PDE4D: variants seen among roughly 807,000 people sequenced by gnomAD.
The protein encoded by PDE4D is 3',5'-cyclic-AMP phosphodiesterase 4D.
Under a neutral mutation model 87.4 loss-of-function variants are expected in PDE4D, and 24 were observed. The ratio of observed to expected loss-of-function variants is 0.27; its 90% CI spans 0.20 to 0.39. The LOEUF (loss-of-function observed/expected upper bound fraction) is 0.39, where lower values mean the gene tolerates loss of function less well. PDE4D is among the 10% of genes least tolerant of loss of function. The pLI is 1.00. For missense variants in PDE4D, 714 were observed against 1,041.0 expected (o/e 0.69, Z 4.32); for synonymous variants, 384 against 383.2 (o/e 1.00, Z -0.02).
At chr5:59,602,897 ACTT>A (rs762848525) in intron 1 of PDE4D, among the ~76,000 whole-genome samples, 84 of 152,054 alleles carry the variant, frequency 5.5e-4, no homozygotes, top group Non-Finnish European at 8.5e-4. Context: ...TCTACAGTGA[ACTT>A]ATTTTCAACA....
At chr5:60,362,131 C>T (rs759131523) in intron 1 of PDE4D, among the ~76,000 whole-genome samples, 4 of 152,174 alleles carry the variant, frequency 2.6e-5, no homozygotes, top group African/African-American at 4.8e-5. Flanking sequence ...TACAGAAATG[C>T]AATACACATT....
chr5:59,431,845 T>C (rs1796152753), intron 1 of PDE4D, among the ~76,000 whole-genome samples: 1 of 152,096 alleles, frequency 6.6e-6, no homozygotes, highest in Non-Finnish European at 1.5e-5. Flanking sequence ...GTTCTCATCA[T>C]TTATCTCCCA....
chr5:60,052,721 T>A (rs1218303699), intron 2 of PDE4D, among the ~76,000 whole-genome samples: 1 of 152,164 alleles, frequency 6.6e-6, no homozygotes, highest in Non-Finnish European at 1.5e-5. Flanking sequence ...ATAAAGGATA[T>A]TCAGATAGAA....
intron 1 of PDE4D, among the ~76,000 whole-genome samples, chr5:59,468,225 C>T (rs374156380): frequency 2.0e-4 from 31 of 152,072 alleles, no homozygotes; most frequent in Non-Finnish European, 4.0e-4. Context: ...CCACCCTCCC[C>T]GCATCTTCCT....
At chr5:59,474,856 A>C (rs1260354657) in intron 1 of PDE4D, among the ~76,000 whole-genome samples, 1 of 152,112 alleles carries the variant, frequency 6.6e-6, no homozygotes, top group Admixed American at 6.6e-5. Flanking sequence ...TAAATTCAAA[A>C]ATGAAAACCA....
intron 1 of PDE4D, among the ~76,000 whole-genome samples, chr5:60,316,161 A>G: frequency 6.6e-6 from 1 of 152,024 alleles, no homozygotes; most frequent in East Asian, 1.9e-4. Context: ...CTTTTATTTC[A>G]TTAAGCAGTG....
intron 1 of PDE4D, among the ~76,000 whole-genome samples, chr5:60,520,660 A>C (rs1225417219): frequency 2.0e-5 from 3 of 152,176 alleles, no homozygotes; most frequent in Non-Finnish European, 2.9e-5. Flanking sequence ...TTTGGCACTG[A>C]GGAGGAAAGG....
At chr5:60,263,272 G>A (rs1424256804) in intron 1 of PDE4D, among the ~76,000 whole-genome samples, 1 of 152,158 alleles carries the variant, frequency 6.6e-6, no homozygotes, top group Non-Finnish European at 1.5e-5. Flanking sequence ...TGCCTGGTTG[G>A]AAACTAAGAC....
intron 1 of PDE4D, among the ~76,000 whole-genome samples, chr5:59,439,219 C>T (rs1797221279): frequency 6.6e-6 from 1 of 152,030 alleles, no homozygotes; most frequent in South Asian, 2.1e-4. Flanking sequence ...ATTAGCTGTG[C>T]ATGGTGGCAC....
intron 1 of PDE4D, among the ~76,000 whole-genome samples, chr5:59,774,089 AG>A (rs1299558663): frequency 6.6e-6 from 1 of 152,210 alleles, no homozygotes; most frequent in East Asian, 1.9e-4. Context: ...TAGGTAGTTT[AG>A]GGGAGGTAAG....
intron 11 of PDE4D, among the ~76,000 whole-genome samples, chr5:58,986,317 C>T (rs1374644152): frequency 1.3e-5 from 2 of 152,172 alleles, no homozygotes; most frequent in African/African-American, 4.8e-5. Flanking sequence ...AGACTGAGGC[C>T]TTGTTAGCTT....
At chr5:60,107,852 C>T (rs896218903) in intron 2 of PDE4D, among the ~76,000 whole-genome samples, 8 of 152,076 alleles carry the variant, frequency 5.3e-5, no homozygotes, top group African/African-American at 1.7e-4. Context: ...ATTGATGGGA[C>T]GTATCTCAAA....
chr5:59,606,654 T>C (rs1243555611), intron 1 of PDE4D, among the ~76,000 whole-genome samples: 1 of 152,078 alleles, frequency 6.6e-6, no homozygotes, highest in Non-Finnish European at 1.5e-5. Context: ...GGGATGCAAT[T>C]ATGGAAAGAG....
At chr5:60,016,462 C>T (rs528129962) in intron 2 of PDE4D, among the ~76,000 whole-genome samples, 2 of 152,250 alleles carry the variant, frequency 1.3e-5, no homozygotes, top group East Asian at 3.9e-4. Flanking sequence ...TTTGCCACAT[C>T]CATTGACTCT....
chr5:60,442,824 A>G (rs1430380910), intron 1 of PDE4D, among the ~76,000 whole-genome samples: 1 of 152,138 alleles, frequency 6.6e-6, no homozygotes, highest in African/African-American at 2.4e-5. Context: ...ATTTATTTGA[A>G]AGAAAATATA....
chr5:60,114,873 T>A (rs1777998045), intron 2 of PDE4D, among the ~76,000 whole-genome samples: 1 of 151,966 alleles, frequency 6.6e-6, no homozygotes, highest in Non-Finnish European at 1.5e-5. Context: ...TATGTGTGTA[T>A]GTATGTGTGT....
intron 1 of PDE4D, among the ~76,000 whole-genome samples, chr5:60,473,726 A>C (rs1427048055): frequency 1.3e-5 from 2 of 151,962 alleles, no homozygotes; most frequent in Non-Finnish European, 2.9e-5. Context: ...CAAAAAGTCC[A>C]AAGAGCTCAT....
chr5:59,846,745 G>A (rs1439045278), intron 1 of PDE4D, among the ~76,000 whole-genome samples: 1 of 151,952 alleles, frequency 6.6e-6, no homozygotes, highest in Non-Finnish European at 1.5e-5. Context: ...TGCAAAGGCT[G>A]AAACGTCACA....
chr5:60,438,961 C>T lies in PDE4D; in HGVS notation c.-90+48981G>A, dbSNP rs983071936. Among the ~76,000 whole-genome samples the T allele has an allele frequency of 2.0e-5, 3 of 152,012 alleles. 1 individual carries two copies. Among genetic ancestry groups the T allele is most frequent in the Admixed American group, 1.3e-4 (2 of 15,244 alleles). The stretch of plus-strand genomic sequence containing the variant: ...ATTCTACCCTTAAGATTTTGTCCTA[C>T]GGATATACTTGCACAAGCATGCACT... On this transcript the variant is annotated intron_variant, in intron 1 of 16. Transcript: ENST00000502484.
Sources: gnomAD v4.1 joint callset for allele counts (sites outside exome capture counted in the v4.1 genomes callset) on GRCh38, gnomAD v4.1.1 for gene constraint, MANE v1.5 for transcripts, NCBI Gene and HGNC (gene_info 2026-07-23, HGNC 2026-07-21) for gene names.